The following CCNY variants were observed in gnomAD, a reference collection of about 807,000 sequenced individuals.
The protein encoded by CCNY is cyclin Y.
Under a neutral mutation model 42.8 loss-of-function variants are expected in CCNY, and 19 were observed. The ratio of observed to expected loss-of-function variants is 0.44; its 90% CI spans 0.31 to 0.65. The LOEUF (loss-of-function observed/expected upper bound fraction) is 0.65. CCNY is among the 30% of genes least tolerant of loss of function. The pLI is 0.07. For missense variants in CCNY, 370 were observed against 437.3 expected, an observed-to-expected ratio of 0.85 and a Z score of 1.37; for synonymous variants, 165 against 162.7, an observed-to-expected ratio of 1.01 and a Z score of -0.11.
chr10:35,516,632 A>G lies in CCNY; in HGVS notation c.365+9A>G. The G allele has an allele frequency of 1.2e-6, 1 of 801,870 alleles. No homozygotes were observed. Among genetic ancestry groups the G allele is most frequent in the Non-Finnish European group, 2.0e-6 (1 of 502,580 alleles). The allele number at this position is 801,870 out of a possible 1,614,324, so 49.7% of individuals were successfully genotyped here. A position where few individuals can be genotyped will look rare whatever the true frequency, so the allele number is the denominator to read the frequency against. ...AAGTATACAATTAAATGGTGGGTAT[A>G]TGGATTTATTTCCTTCCTTCCTTCC... is the stretch of plus-strand genomic sequence containing the variant. On this transcript the variant is annotated intron_variant, in intron 4 of 9. Coordinates refer to ENST00000374704, the MANE Select transcript of CCNY (RefSeq NM_145012.6).
chr10:35,500,364 G>A lies in CCNY; in HGVS notation c.230-1137G>A, dbSNP rs116077012. Among the ~76,000 whole-genome samples the A allele has an allele frequency of 7.0e-3, 1,070 of 152,340 alleles. 10 individuals are homozygous for A. Among genetic ancestry groups the A allele is most frequent in the African/African-American group, 0.025 (1,021 of 41,566 alleles). On this transcript the variant is annotated intron_variant, in intron 2 of 9. Transcript: ENST00000374704. ...ATTCCAGAGAGGACAAGACTTCTAA[G>A]GAAAAGAGAAGTGTTTTTTTGTGAG...
intron 7 of CCNY, among the ~76,000 whole-genome samples, chr10:35,541,124 A>G (rs2135435611): frequency 6.6e-6 from 1 of 151,944 alleles, no homozygotes; most frequent in South Asian, 2.1e-4. Context: ...TTTTTTTTTA[A>G]TACAGGCATC....
intron 3 of CCNY, among the ~76,000 whole-genome samples, chr10:35,509,710 G>A (rs1254194850): frequency 6.6e-6 from 1 of 152,138 alleles, no homozygotes; most frequent in Non-Finnish European, 1.5e-5. Flanking sequence ...TGATGATGGT[G>A]CTTTCCTCTC....
chr10:35,473,183 A>G (rs866591698), intron 1 of CCNY, among the ~76,000 whole-genome samples: 101 of 152,222 alleles, frequency 6.6e-4, no homozygotes, highest in African/African-American at 2.3e-3. Flanking sequence ...CCCTGAATCA[A>G]TTGTAATTTT....
chr10:35,425,589 T>C (rs1345766461), intron 1 of CCNY, among the ~76,000 whole-genome samples: 2 of 152,210 alleles, frequency 1.3e-5, no homozygotes, highest in Admixed American at 6.5e-5. Context: ...TCCAAAAATA[T>C]ATAACAAAGA....
chr10:35,314,153 C>T (rs1310580688), intron 3 of CCNY, among the ~76,000 whole-genome samples: 2 of 152,214 alleles, frequency 1.3e-5, no homozygotes, highest in Non-Finnish European at 2.9e-5. Flanking sequence ...CAATAGTCCT[C>T]ATTCTCCCTT....
chr10:35,514,908 T>G (rs998740210), intron 3 of CCNY, among the ~76,000 whole-genome samples: 1 of 152,222 alleles, frequency 6.6e-6, no homozygotes, highest in Non-Finnish European at 1.5e-5. Context: ...AAAAATTCCT[T>G]AAGCATTTTT....
rs141140368 is a variant in CCNY at position 35,428,606 on chromosome 10, C to CAG, written c.155-54782_155-54781dup. Among the ~76,000 whole-genome samples, 1,039 of 149,736 alleles carry CAG rather than the reference C, an allele frequency of 6.9e-3. 10 individuals are homozygous for CAG. Among genetic ancestry groups the CAG allele is most frequent in the African/African-American group, 0.024 (976 of 40,952 alleles). On this transcript the variant is annotated intron_variant, in intron 1 of 9. Coordinates refer to ENST00000374704, the MANE Select transcript of CCNY (RefSeq NM_145012.6). The stretch of plus-strand genomic sequence containing the variant: ...TTTAAGCAAGGGGTAAGGGTGAAGG[C>CAG]AGAGAGAGAGAGAGAGAATGGGGTA...
At chr10:35,489,820 T>A (rs773859575) in intron 2 of CCNY, among the ~76,000 whole-genome samples, 1 of 152,080 alleles carries the variant, frequency 6.6e-6, no homozygotes, top group South Asian at 2.1e-4. Flanking sequence ...GTTAGAGGAG[T>A]CCCTCATTTT....
intron 1 of CCNY, among the ~76,000 whole-genome samples, chr10:35,407,368 C>G (rs940888705): frequency 2.0e-5 from 3 of 151,844 alleles, no homozygotes; most frequent in Admixed American, 1.3e-4. Context: ...AAGGAAGATT[C>G]AAAAGACTCA....
chr10:35,262,505 C>A (rs2095720767), intron 3 of CCNY, among the ~76,000 whole-genome samples: 1 of 151,634 alleles, frequency 6.6e-6, no homozygotes, highest in Admixed American at 6.6e-5. Flanking sequence ...ACTACAGGTG[C>A]ACGCCACCAC....
intron 7 of CCNY, among the ~76,000 whole-genome samples, chr10:35,537,573 G>T (rs1840911423): frequency 2.0e-5 from 3 of 152,178 alleles, no homozygotes; most frequent in African/African-American, 7.2e-5. Context: ...CCACCTTTTG[G>T]ATCAGCGTGA....
chr10:35,342,359 T>C (rs771935228), intron 1 of CCNY, among the ~76,000 whole-genome samples: 2 of 152,202 alleles, frequency 1.3e-5, no homozygotes, highest in South Asian at 2.1e-4. Flanking sequence ...CTAAGACTTA[T>C]CAGCCCTGCT....
chr10:35,533,716 G>C (rs996318993), intron 7 of CCNY, among the ~76,000 whole-genome samples: 1 of 152,190 alleles, frequency 6.6e-6, no homozygotes, highest in Non-Finnish European at 1.5e-5. Flanking sequence ...CTTATCACCT[G>C]TCAGCATGCT....
At chr10:35,557,159 A>G (rs1343606412) in intron 8 of CCNY, among the ~76,000 whole-genome samples, 2 of 152,162 alleles carry the variant, frequency 1.3e-5, no homozygotes, top group African/African-American at 4.8e-5. Context: ...TATTTGCAAT[A>G]TATTTTATAT....
At chr10:35,391,264 G>T (rs117048631) in intron 1 of CCNY, among the ~76,000 whole-genome samples, 1 of 152,174 alleles carries the variant, frequency 6.6e-6, no homozygotes, top group Non-Finnish European at 1.5e-5. Flanking sequence ...GGGTTGGACC[G>T]CACAGTTTAA....
At chr10:35,344,735 C>G (rs1359938701) in intron 1 of CCNY, among the ~76,000 whole-genome samples, 1 of 152,126 alleles carries the variant, frequency 6.6e-6, no homozygotes, top group African/African-American at 2.4e-5. Context: ...CTCCCCCCAC[C>G]CGACAACAGG....
At chr10:35,511,237 T>C (rs542147110) in intron 3 of CCNY, among the ~76,000 whole-genome samples, 54 of 152,314 alleles carry the variant, frequency 3.5e-4, no homozygotes, top group Middle Eastern at 3.4e-3. Flanking sequence ...GGGATGGAGC[T>C]GTTCTTCATT....
chr10:35,505,962 A>G (rs951040370), intron 3 of CCNY, among the ~76,000 whole-genome samples: 4 of 152,214 alleles, frequency 2.6e-5, no homozygotes, highest in Non-Finnish European at 4.4e-5. Flanking sequence ...TGAGGTAGGA[A>G]TAGGAGTCCT....
Sources: gnomAD v4.1 joint callset for allele counts (sites outside exome capture counted in the v4.1 genomes callset) on GRCh38, gnomAD v4.1.1 for gene constraint, MANE v1.5 for transcripts, NCBI Gene and HGNC (gene_info 2026-07-23, HGNC 2026-07-21) for gene names.